Variants in PHACTR3 observed in about 807,000 individuals in gnomAD.
PHACTR3 encodes the protein protein phosphatase 1, regulatory subunit 123.
In PHACTR3, 16 loss-of-function variants were observed where a neutral mutation model predicts 66.8. The observed-to-expected ratio is 0.24, with a 90% CI of 0.16 to 0.36. The LOEUF (loss-of-function observed/expected upper bound fraction) is 0.36. Among genes scored for constraint, PHACTR3 ranks in the 10% least tolerant of loss-of-function variants. The probability of loss-of-function intolerance (pLI) is 1.00; values close to 1 mark genes in which losing one functional copy is unlikely to be tolerated. For synonymous variants in PHACTR3, 323 were observed against 292.1 expected (o/e 1.11, Z -1.08); for missense variants, 647 against 719.9 (o/e 0.90, Z 1.16).
chr20:59,661,967 C>T (rs1483437658), intron 1 of PHACTR3, among the ~76,000 whole-genome samples: 1 of 152,108 alleles, frequency 6.6e-6, no homozygotes, highest in East Asian at 1.9e-4. Flanking sequence ...TTTCTCTTGG[C>T]CCCTGTGAAA....
intron 1 of PHACTR3, among the ~76,000 whole-genome samples, chr20:59,678,767 T>C (rs994548903): frequency 6.6e-6 from 1 of 152,222 alleles, no homozygotes; most frequent in Non-Finnish European, 1.5e-5. Flanking sequence ...ATTGATCCTT[T>C]GATTTTCTTT....
chr20:59,722,015 G>T (rs1188164273), intron 1 of PHACTR3, among the ~76,000 whole-genome samples: 1 of 152,122 alleles, frequency 6.6e-6, no homozygotes, highest in African/African-American at 2.4e-5. Context: ...CAGATCACAA[G>T]GTCAGGAGAT....
chr20:59,815,660 T>C (rs111888078), intron 8 of PHACTR3, among the ~76,000 whole-genome samples: 18,242 of 152,076 alleles, frequency 0.12, 1,647 homozygotes, highest in African/African-American at 0.25. Context: ...CTTGACCTCA[T>C]GATCCGCCTG....
chr20:59,737,826 A>G (rs1451446210), intron 1 of PHACTR3, among the ~76,000 whole-genome samples: 2 of 152,002 alleles, frequency 1.3e-5, no homozygotes, highest in African/African-American at 2.4e-5. Context: ...GTATTTGTTG[A>G]AAGGTGGAGT....
chr20:59,645,141 AT>A (rs2035238728), intron 1 of PHACTR3, among the ~76,000 whole-genome samples: 1 of 151,578 alleles, frequency 6.6e-6, no homozygotes, highest in Admixed American at 6.6e-5. Flanking sequence ...TTCTGCGTTA[AT>A]TCACTCAGGA....
intron 3 of PHACTR3, among the ~76,000 whole-genome samples, chr20:59,752,244 C>G (rs1222519234): frequency 6.6e-6 from 1 of 152,226 alleles, no homozygotes; most frequent in African/African-American, 2.4e-5. Context: ...TTGCACTGTG[C>G]ACATGTGCCA....
At chr20:59,596,407 G>T (rs150802645) in intron 1 of PHACTR3, among the ~76,000 whole-genome samples, 3 of 152,292 alleles carry the variant, frequency 2.0e-5, no homozygotes, top group African/African-American at 7.2e-5. Flanking sequence ...CTCCCAGAGT[G>T]CTGGGTTTAT....
chr20:59,621,436 C>T (rs1426214663), intron 1 of PHACTR3, among the ~76,000 whole-genome samples: 12 of 152,254 alleles, frequency 7.9e-5, no homozygotes, highest in Admixed American at 6.5e-4. Context: ...ATCTTGGGGA[C>T]TGTCCACAGT....
At chr20:59,634,183 G>A (rs1377837695) in intron 1 of PHACTR3, among the ~76,000 whole-genome samples, 1 of 152,152 alleles carries the variant, frequency 6.6e-6, no homozygotes, top group Non-Finnish European at 1.5e-5. Flanking sequence ...ATGCTTTAGG[G>A]GCTGGAAATA....
chr20:59,845,830 T>C (rs904281578), intron 12 of PHACTR3, among the ~76,000 whole-genome samples: 3 of 152,224 alleles, frequency 2.0e-5, no homozygotes, highest in African/African-American at 7.2e-5. Flanking sequence ...ATATATTGGC[T>C]GATTCTCCCA....
chr20:59,597,702 G>A (rs2033362717), intron 1 of PHACTR3, among the ~76,000 whole-genome samples: 1 of 152,240 alleles, frequency 6.6e-6, no homozygotes, highest in Non-Finnish European at 1.5e-5. Flanking sequence ...ATGCCAGCAG[G>A]ATGTTTGGTC....
chr20:59,628,500 C>T (rs1174164495), intron 1 of PHACTR3: 1 of 378,916 alleles, frequency 2.6e-6, no homozygotes, highest in Non-Finnish European at 3.6e-6. Context: ...GGCTTTGGCC[C>T]TCGGAGTGCA....
At chr20:59,722,679 G>A (rs1601188771) in intron 1 of PHACTR3, among the ~76,000 whole-genome samples, 1 of 152,162 alleles carries the variant, frequency 6.6e-6, no homozygotes, top group African/African-American at 2.4e-5. Context: ...GATGGGCAGG[G>A]GATGAGGGGG....
upstream of PHACTR3, among the ~76,000 whole-genome samples, chr20:59,599,663 C>G (rs1011628955): frequency 1.5e-4 from 22 of 151,520 alleles, no homozygotes; most frequent in African/African-American, 5.3e-4. Context: ...TCAATTCTAC[C>G]CCCCTCATAA....
intron 3 of PHACTR3, among the ~76,000 whole-genome samples, chr20:59,753,666 A>G (rs1239974320): frequency 1.3e-5 from 2 of 152,222 alleles, no homozygotes; most frequent in Non-Finnish European, 2.9e-5. Context: ...AATTCTCACT[A>G]TGTTGCCATG....
intron 1 of PHACTR3, among the ~76,000 whole-genome samples, chr20:59,742,013 G>A (rs758678505): frequency 3.3e-5 from 5 of 152,112 alleles, no homozygotes; most frequent in Non-Finnish European, 5.9e-5. Flanking sequence ...TGCCTGCCTG[G>A]GCCTCCCAAA....
intron 11 of PHACTR3, among the ~76,000 whole-genome samples, chr20:59,842,782 G>A (rs530314486): frequency 2.6e-5 from 4 of 152,250 alleles, no homozygotes; most frequent in Middle Eastern, 3.4e-3. Context: ...TGCTTGGTCC[G>A]TTTAGGTATG....
At chr20:59,841,351 T>C (rs762443982) in intron 10 of PHACTR3, 44 bp from the exon 11 acceptor site, 1 of 1,573,470 alleles carries the variant, frequency 6.4e-7, no homozygotes, top group Admixed American at 1.8e-5. Flanking sequence ...TCAAAAAAGC[T>C]AGTTTGGCAT....
At chr20:59,757,742 A>G (rs1376040621) in intron 4 of PHACTR3, among the ~76,000 whole-genome samples, 1 of 152,238 alleles carries the variant, frequency 6.6e-6, no homozygotes, top group Non-Finnish European at 1.5e-5. Context: ...ACTTGAACCT[A>G]GGAGTTCAAA....
Sources: allele counts gnomAD v4.1 joint callset (sites outside exome capture counted in the v4.1 genomes callset), GRCh38; gene constraint gnomAD v4.1.1; transcripts MANE v1.5; gene names NCBI Gene and HGNC (gene_info 2026-07-23, HGNC 2026-07-21).